Variants in FSTL5 observed in about 807,000 individuals in gnomAD.
The protein encoded by FSTL5 is follistatin like 5.
FSTL5 carries 62 observed loss-of-function variants against 89.1 expected under a neutral mutation model. That is an observed-to-expected ratio of 0.70 (90% CI 0.57 to 0.86). The LOEUF is 0.86. Ranked by LOEUF, FSTL5 falls within the 40% of genes least tolerant of loss-of-function variation. The pLI is 0.00. For missense variants in FSTL5, 1,057 were observed against 1,001.6 expected, an observed-to-expected ratio of 1.06 and a Z score of -0.75; for synonymous variants, 383 against 346.2, an observed-to-expected ratio of 1.11 and a Z score of -1.18.
At chr4:161,840,232 T>C (rs1030861220) in intron 4 of FSTL5, among the ~76,000 whole-genome samples, 3 of 151,972 alleles carry the variant, frequency 2.0e-5, no homozygotes, top group Middle Eastern at 3.2e-3. Context: ...TAACACAGCA[T>C]TGAGGTGTGA....
chr4:161,708,249 T>A (rs1477602153), intron 6 of FSTL5, among the ~76,000 whole-genome samples: 1 of 152,010 alleles, frequency 6.6e-6, no homozygotes, highest in African/African-American at 2.4e-5. Context: ...AAACTACAGA[T>A]CTCTTTACTT....
At chr4:161,764,164 A>G (rs1362368693) in intron 5 of FSTL5, among the ~76,000 whole-genome samples, 1 of 152,236 alleles carries the variant, frequency 6.6e-6, no homozygotes, top group Non-Finnish European at 1.5e-5. Context: ...ACTCTAAAAA[A>G]TAGATCATGT....
chr4:161,695,794 CCA>C (rs1372359927), intron 6 of FSTL5, among the ~76,000 whole-genome samples: 1 of 151,890 alleles, frequency 6.6e-6, no homozygotes, highest in African/African-American at 2.4e-5. Flanking sequence ...CGTTCTTAGC[CCA>C]CTTTTCGATG....
At chr4:162,123,816 G>C (rs1325118764) in intron 1 of FSTL5, among the ~76,000 whole-genome samples, 1 of 149,800 alleles carries the variant, frequency 6.7e-6, no homozygotes, top group Non-Finnish European at 1.5e-5. Context: ...GTTTGAAAAA[G>C]AGGCAACAGG....
intron 3 of FSTL5, among the ~76,000 whole-genome samples, chr4:162,009,508 A>G (rs1431669361): frequency 6.6e-6 from 1 of 152,072 alleles, no homozygotes; most frequent in Non-Finnish European, 1.5e-5. Context: ...CTACAATTAT[A>G]AAATATGCCA....
intron 4 of FSTL5, among the ~76,000 whole-genome samples, chr4:161,863,719 T>C (rs1937596919): frequency 6.6e-6 from 1 of 152,204 alleles, no homozygotes; most frequent in Non-Finnish European, 1.5e-5. Flanking sequence ...TATAATTTGA[T>C]AACCTTGCCA....
At chr4:161,642,521 G>T (rs927201721) in intron 7 of FSTL5, among the ~76,000 whole-genome samples, 5 of 152,046 alleles carry the variant, frequency 3.3e-5, no homozygotes, top group African/African-American at 1.2e-4. Context: ...CCAAAATACA[G>T]CAAGATGGAT....
chr4:161,633,291 T>TTTATTATTATTATTA (rs60503667), intron 7 of FSTL5, among the ~76,000 whole-genome samples: 31 of 140,716 alleles, frequency 2.2e-4, no homozygotes, highest in South Asian at 4.6e-4. Context: ...ACTAATTCTT[T>TTTATTATTATTATTA]TTATTATTAT....
At chr4:161,947,301 G>GT (rs1199291024) in intron 3 of FSTL5, among the ~76,000 whole-genome samples, 4 of 142,798 alleles carry the variant, frequency 2.8e-5, no homozygotes, top group Non-Finnish European at 6.1e-5. Context: ...TGTGTGCTAT[G>GT]TAAGATTTCT....
intron 1 of FSTL5, among the ~76,000 whole-genome samples, chr4:162,116,441 G>A (rs934172095): frequency 6.6e-6 from 1 of 152,140 alleles, no homozygotes; most frequent in African/African-American, 2.4e-5. Flanking sequence ...ATGAGGAAAG[G>A]GTTACTATAA....
chr4:161,736,196 C>G (rs762953615), intron 6 of FSTL5, among the ~76,000 whole-genome samples: 51 of 152,082 alleles, frequency 3.4e-4, no homozygotes, highest in Non-Finnish European at 6.5e-4. Flanking sequence ...ATGTTATTTT[C>G]TTACAATTAC....
At chr4:161,990,053 C>T (rs1020186119) in intron 3 of FSTL5, among the ~76,000 whole-genome samples, 9 of 152,064 alleles carry the variant, frequency 5.9e-5, no homozygotes, top group African/African-American at 2.2e-4. Flanking sequence ...TAGGAAATAA[C>T]TTTGTAAAAT....
At chr4:161,744,751 TC>T (rs1740137227) in intron 6 of FSTL5, among the ~76,000 whole-genome samples, 1 of 152,102 alleles carries the variant, frequency 6.6e-6, no homozygotes, top group African/African-American at 2.4e-5. Flanking sequence ...CCTTTTTTTT[TC>T]GGTTCAAACT....
In FSTL5 at chr4:161,538,033, C is replaced by T. The variant is rs1029502939; in HGVS notation, c.1312+133G>A. The T allele has an allele frequency of 7.7e-6, 6 of 780,500 alleles. No individual in the cohort carries two copies. The Admixed American group carries it at 1.0e-4, about 13-fold the overall frequency. The allele number at this position is 780,500 out of a possible 1,614,324, so 48.3% of individuals were successfully genotyped here. A position where few individuals can be genotyped will look rare whatever the true frequency, so the allele number is the denominator to read the frequency against. Reference sequence around the variant, plus strand: ...TAGTATTTCAAGATTTCTATCCTTCCTACGTATAAAATCTATTTGTTATAA... The same window carrying T: ...TAGTATTTCAAGATTTCTATCCTTCTTACGTATAAAATCTATTTGTTATAA... On this transcript the variant is annotated intron_variant, in intron 10 of 15. Transcript: ENST00000306100.
At chr4:161,392,545 A>G (rs1730855292) in intron 15 of FSTL5, among the ~76,000 whole-genome samples, 1 of 152,138 alleles carries the variant, frequency 6.6e-6, no homozygotes, top group Non-Finnish European at 1.5e-5. Flanking sequence ...TACATCATAT[A>G]CATTGTAGAT....
At chr4:161,729,121 A>G (rs1560813389) in intron 6 of FSTL5, among the ~76,000 whole-genome samples, 2 of 152,176 alleles carry the variant, frequency 1.3e-5, no homozygotes, top group Non-Finnish European at 2.9e-5. Flanking sequence ...CAGCATATGT[A>G]TTCACTTGTT....
chr4:161,504,279 G>T (rs565936760), intron 11 of FSTL5, among the ~76,000 whole-genome samples: 13 of 151,876 alleles, frequency 8.6e-5, no homozygotes, highest in African/African-American at 2.6e-4. Flanking sequence ...CAAACACAAA[G>T]TTCTTTAAGT....
chr4:161,561,003 C>T (rs1477418102), intron 8 of FSTL5, among the ~76,000 whole-genome samples: 1 of 151,692 alleles, frequency 6.6e-6, no homozygotes, highest in East Asian at 2.0e-4. Context: ...TTACTGGTAG[C>T]ACAGTAGAAT....
At chr4:162,154,392 T>C (rs1396856901) in intron 1 of FSTL5, among the ~76,000 whole-genome samples, 1 of 152,160 alleles carries the variant, frequency 6.6e-6, no homozygotes, top group African/African-American at 2.4e-5. Flanking sequence ...TTTTTTCAAA[T>C]GTTGAAGTTT....
Sources: gnomAD v4.1 joint callset for allele counts (sites outside exome capture counted in the v4.1 genomes callset) on GRCh38, gnomAD v4.1.1 for gene constraint, MANE v1.5 for transcripts, NCBI Gene and HGNC (gene_info 2026-07-23, HGNC 2026-07-21) for gene names.